The following HELZ variants were observed in gnomAD, a reference collection of about 807,000 sequenced individuals.
HELZ encodes ATP-dependent RNA helicase with zinc finger domain.
HELZ carries 23 observed loss-of-function variants against 218.2 expected under a neutral mutation model. That is an observed-to-expected ratio of 0.11 (90% CI 0.08 to 0.15). HELZ has a LOEUF of 0.15. Among genes scored for constraint, HELZ ranks in the 10% least tolerant of loss-of-function variants. The pLI, the probability that HELZ is intolerant of heterozygous loss-of-function variation, is 1.00. For synonymous variants in HELZ, 814 were observed against 829.4 expected (o/e 0.98, Z 0.32); for missense variants, 1,813 against 2,353.7 (o/e 0.77, Z 4.75).
At chr17:67,079,425 T>G (rs1359077457) in intron 32 of HELZ, among the ~76,000 whole-genome samples, 5 of 152,228 alleles carry the variant, frequency 3.3e-5, no homozygotes, top group Non-Finnish European at 7.3e-5. Context: ...AATGTCTCAT[T>G]TTTAGAAATT....
chr17:67,153,140 A>C (rs2144062487), intron 17 of HELZ, among the ~76,000 whole-genome samples: 1 of 152,294 alleles, frequency 6.6e-6, no homozygotes, highest in South Asian at 2.1e-4. Context: ...TGTCTGGATA[A>C]GTTTTGCTTA....
intron 30 of HELZ, among the ~76,000 whole-genome samples, 197 bp from the exon 31 acceptor site, chr17:67,107,882 G>A (rs1235095597): frequency 6.6e-6 from 1 of 152,136 alleles, no homozygotes; most frequent in Non-Finnish European, 1.5e-5. Context: ...TCAATTACCT[G>A]ATTTCTTTCT....
At chr17:67,159,342 CTTTTG>C (rs1308674110) in intron 17 of HELZ, among the ~76,000 whole-genome samples, 1 of 151,694 alleles carries the variant, frequency 6.6e-6, no homozygotes, top group East Asian at 1.9e-4. Flanking sequence ...CTTTTTTCCT[CTTTTG>C]TTTTTTTAAT....
rs73994518 is a variant in HELZ, at chr17:67,205,856, G to A, written c.248-2413C>T. ...TTCCCTTTTTTCCATCTCTTTTTCAGACAAGAAGCAGTACTGACATACTTT... is the reference window on the plus strand; with the variant it reads ...TTCCCTTTTTTCCATCTCTTTTTCAAACAAGAAGCAGTACTGACATACTTT... On this transcript the variant is annotated intron_variant, in intron 5 of 32. Transcript: ENST00000358691. Among the ~76,000 whole-genome samples, 456 of 152,166 alleles carry A rather than the reference G, an allele frequency of 3.0e-3. 2 individuals carry two copies. The highest frequency in any genetic ancestry group is 0.011 in the African/African-American group (440 of 41,508).
At chr17:67,226,936 T>C (rs1286801270) in intron 3 of HELZ, among the ~76,000 whole-genome samples, 1 of 152,156 alleles carries the variant, frequency 6.6e-6, no homozygotes, top group African/African-American at 2.4e-5. Context: ...CTCAAAAATA[T>C]AAAACTATAA....
intron 15 of HELZ, among the ~76,000 whole-genome samples, chr17:67,164,910 G>C (rs1272469165): frequency 6.6e-6 from 1 of 152,108 alleles, no homozygotes; most frequent in Non-Finnish European, 1.5e-5. Context: ...AACTAACTCT[G>C]GGAGAAATAT....
intron 21 of HELZ, 26 bp from the exon 22 acceptor site, chr17:67,138,140 T>C (rs757277589): frequency 5.9e-6 from 9 of 1,536,908 alleles, no homozygotes. Context: ...CACACATACA[T>C]ATTAAAGTTA....
chr17:67,137,380 T>C (rs746056863), intron 22 of HELZ, among the ~76,000 whole-genome samples: 1 of 152,184 alleles, frequency 6.6e-6, no homozygotes, highest in African/African-American at 2.4e-5. Flanking sequence ...CATGGTACAG[T>C]AGAACTATTT....
At position 67,188,318 on chromosome 17, in the gene HELZ, C is replaced by A. The variant is rs2039812071; in HGVS notation, c.1162+1G>T. On this transcript the variant is annotated splice_donor_variant, in intron 12 of 32. Coordinates refer to ENST00000358691, the MANE Select transcript of HELZ (RefSeq NM_014877.4). LOFTEE classifies it high-confidence loss of function. The surrounding 1 kb of genome is among the most constrained non-coding windows in gnomAD (Gnocchi z 4.1). ...TCGGGGGAAAAAAGTCTAAATATTA[C>A]CTTCTGTAGAAGCTGCATCAATCAT... is the stretch of plus-strand genomic sequence containing the variant. 1 of 1,602,856 alleles carries A rather than the reference C, an allele frequency of 6.2e-7. No individual in the cohort carries two copies. Among genetic ancestry groups the A allele is most frequent in the Non-Finnish European group, 8.5e-7 (1 of 1,172,536 alleles).
rs1030665620 is a variant in HELZ, at chr17:67,206,286, A to T, written c.248-2843T>A. ...TGTTCACTAGGAGTTACAAAGGAGG[A>T]CTTCTGTCAGCTCGCTGTGTATCTT... On this transcript the variant is annotated intron_variant, in intron 5 of 32. Transcript: ENST00000358691. 2.0e-5 allele frequency among the ~76,000 whole-genome samples: 3 copies of T among 152,316 alleles called. No individual in the cohort carries two copies. The South Asian group carries it at 6.2e-4, about 32-fold the overall frequency.
intron 31 of HELZ, among the ~76,000 whole-genome samples, chr17:67,101,801 C>CA (rs771591535): frequency 1.3e-5 from 2 of 152,090 alleles, no homozygotes; most frequent in Non-Finnish European, 2.9e-5. Flanking sequence ...GTAATAATTC[C>CA]AAAAAGACAG....
At chr17:67,193,054 T>C (rs781076823) in intron 9 of HELZ, among the ~76,000 whole-genome samples, 16 of 152,168 alleles carry the variant, frequency 1.1e-4, no homozygotes, top group Non-Finnish European at 2.2e-4. Flanking sequence ...CATTAACAAA[T>C]GGCCATGGCC....
At chr17:67,234,383 C>T (rs907486186) in intron 3 of HELZ, among the ~76,000 whole-genome samples, 1 of 151,490 alleles carries the variant, frequency 6.6e-6, no homozygotes, top group African/African-American at 2.4e-5. Flanking sequence ...AATTAGTCAC[C>T]ACATCTCTCC....
At chr17:67,087,343 T>G (rs1598186226) in intron 31 of HELZ, among the ~76,000 whole-genome samples, 1 of 152,330 alleles carries the variant, frequency 6.6e-6, no homozygotes, top group Non-Finnish European at 1.5e-5. Flanking sequence ...ACAATATATG[T>G]CTGATTTCTG....
At chr17:67,090,781 T>G (rs995780619) in intron 31 of HELZ, among the ~76,000 whole-genome samples, 1 of 152,124 alleles carries the variant, frequency 6.6e-6, no homozygotes, top group Admixed American at 6.5e-5. Flanking sequence ...TTTGTCAATC[T>G]TGCTAAAGGT....
Position 67,146,244 on chromosome 17 carries a change from T to C in HELZ, c.2622-354A>G, listed in dbSNP as rs141958644. ...TCACATACAATCATGTACCACATAA[T>C]GATGATTTAGTCAACAATAGACAGT... On this transcript the variant is annotated intron_variant, in intron 20 of 32. Coordinates refer to ENST00000358691, the MANE Select transcript of HELZ (RefSeq NM_014877.4). Among the ~76,000 whole-genome samples, 592 of 152,328 alleles carry C rather than the reference T, an allele frequency of 3.9e-3. 1 individual carries two copies. Among genetic ancestry groups the C allele is most frequent in the Non-Finnish European group, 6.1e-3 (414 of 68,028 alleles).
intron 31 of HELZ, among the ~76,000 whole-genome samples, chr17:67,101,869 G>C (rs1358883619): frequency 1.3e-5 from 2 of 152,200 alleles, no homozygotes; most frequent in Non-Finnish European, 2.9e-5. Context: ...AGCTTACACT[G>C]GCATTTAAAA....
intron 17 of HELZ, among the ~76,000 whole-genome samples, chr17:67,156,551 T>C (rs2038847931): frequency 6.6e-6 from 1 of 152,090 alleles, no homozygotes; most frequent in Admixed American, 6.6e-5. Flanking sequence ...CACATCGATG[T>C]TTCCAGGCCC....
chr17:67,195,247 GCCAGGGAGAAAATTGCTTTCAA>G (rs983786750), intron 8 of HELZ, among the ~76,000 whole-genome samples, 150 bp downstream of exon 8: 3 of 152,130 alleles, frequency 2.0e-5, no homozygotes, highest in Non-Finnish European at 4.4e-5. Flanking sequence ...ATGAAAAGGT[GCCAGGGAGAAAATTGCTTTCAA>G]CTACACCTAC....
Sources: gnomAD v4.1 joint callset for allele counts (sites outside exome capture counted in the v4.1 genomes callset) on GRCh38, gnomAD v4.1.1 for gene constraint, Gnocchi (gnomAD v3.1) non-coding constraint, MANE v1.5 for transcripts, NCBI Gene and HGNC (gene_info 2026-07-23, HGNC 2026-07-21) for gene names.